The following TNNC2 variants were observed in gnomAD, a reference collection of about 807,000 sequenced individuals.
TNNC2 encodes the protein troponin C2, fast skeletal type.
A neutral mutation model predicts 20.0 loss-of-function variants in TNNC2; 14 were observed. The ratio of observed to expected loss-of-function variants is 0.70; its 90% confidence interval spans 0.46 to 1.09. The LOEUF (loss-of-function observed/expected upper bound fraction) is 1.09, where lower values mean the gene tolerates loss of function less well. Ranked by LOEUF, TNNC2 falls within the 50% of genes least tolerant of loss-of-function variation. TNNC2 has a pLI of 0.00. For synonymous variants in TNNC2, 81 were observed against 77.3 expected (o/e 1.05, Z -0.25); for missense variants, 163 against 223.8 (o/e 0.73, Z 1.73).
Position 45,827,111 on chromosome 20 carries a change from C to T in TNNC2, c.3+135G>A, listed in dbSNP as rs1982992010. The stretch of plus-strand genomic sequence containing the variant: ...AAAAGTCAAAGGCCTTCCTCCAAGA[C>T]ACCTGGGTTCCAGGAACCTCCATGC... On this transcript the variant is annotated intron_variant, in intron 1 of 5. Coordinates refer to ENST00000372555, the MANE Select transcript of TNNC2 (RefSeq NM_003279.3). 3 of 1,119,822 alleles carry T rather than the reference C, an allele frequency of 2.7e-6. No homozygotes were observed. In the East Asian group the frequency reaches 7.2e-5, roughly 27 times the overall value. The allele number at this position is 1,119,822 out of a possible 1,614,324, so 69.4% of individuals were successfully genotyped here.
chr20:45,828,083 T>G (rs1983018509), upstream of TNNC2, among the ~76,000 whole-genome samples: 1 of 152,210 alleles, frequency 6.6e-6, no homozygotes, highest in Non-Finnish European at 1.5e-5. Flanking sequence ...TCACCAAGGC[T>G]GATGTGCAGT....
upstream of TNNC2, among the ~76,000 whole-genome samples, chr20:45,829,370 G>T (rs1333233317): frequency 2.6e-5 from 4 of 151,880 alleles, no homozygotes; most frequent in Non-Finnish European, 4.4e-5. Context: ...CTCCATGTTG[G>T]TCAAGCTGGT....
intron 1 of TNNC2, 105 bp downstream of exon 1, chr20:45,827,141 A>G: frequency 6.7e-7 from 1 of 1,499,824 alleles, no homozygotes; most frequent in Admixed American, 1.7e-5. Context: ...CCATGCTCCA[A>G]CCTCAAACAT....
upstream of TNNC2, among the ~76,000 whole-genome samples, chr20:45,828,409 A>G (rs1161269008): frequency 6.6e-6 from 1 of 152,204 alleles, no homozygotes; most frequent in Non-Finnish European, 1.5e-5. Context: ...GCACCTGTCC[A>G]GATGGAAAAA....
rs894248473 is a variant in TNNC2 at position 45,823,734 on chromosome 20, C to G, written c.451+257G>C. Among the ~76,000 whole-genome samples the G allele has an allele frequency of 6.6e-6, 1 of 152,072 alleles. No homozygotes were observed. ...TCTCGAACTCTTGGCCTCAAGCAAT[C>G]CTCCCACCTCATCCTCCCAAAGTTC... On this transcript the variant is annotated intron_variant, in intron 5 of 5. Coordinates refer to ENST00000372555, the MANE Select transcript of TNNC2 (RefSeq NM_003279.3). The surrounding 1 kb of genome is among the most constrained non-coding windows in gnomAD (Gnocchi z 4.6).
chr20:45,827,485 A>G (rs1251537476), upstream of TNNC2: 8 of 579,906 alleles, frequency 1.4e-5, no homozygotes, highest in East Asian at 1.4e-4. Context: ...GAGAAATTTA[A>G]GCCTCCAAGC....
At chr20:45,824,173 GC>G in intron 4 of TNNC2, 46 bp from the exon 5 acceptor site, 1 of 1,605,420 alleles carries the variant, frequency 6.2e-7, no homozygotes. Flanking sequence ...GGGGCGAGCT[GC>G]CCTGGCCACC....
At chr20:45,824,963 G>T in intron 1 of TNNC2, 129 bp from the exon 2 acceptor site, 3 of 1,009,772 alleles carry the variant, frequency 3.0e-6, no homozygotes, top group Non-Finnish European at 4.6e-6. Flanking sequence ...CTTCAAACTT[G>T]TCACATAATT....
chr20:45,830,723 T>C (rs1458939330), upstream of TNNC2, among the ~76,000 whole-genome samples: 1 of 152,222 alleles, frequency 6.6e-6, no homozygotes, highest in Non-Finnish European at 1.5e-5. Flanking sequence ...AAGGGGGAAC[T>C]TCCTAATAGT....
chr20:45,824,709 C>T, intron 2 of TNNC2, 71 bp from the exon 3 acceptor site: 1 of 1,557,748 alleles, frequency 6.4e-7, no homozygotes, highest in South Asian at 1.1e-5. Context: ...CCCCCCCAAC[C>T]CCCACCCTGC....
At position 45,824,163 on chromosome 20, in the gene TNNC2, G is replaced by C. The variant is rs766414022; in HGVS notation, c.315-36C>G. On this transcript the variant is annotated intron_variant, in intron 4 of 5. Transcript: ENST00000372555. ...GAGGGACAGGGCAGGGCTCAGGGCCGGGGCGAGCTGCCCTGGCCACCACAC... is the reference window on the plus strand; with the variant it reads ...GAGGGACAGGGCAGGGCTCAGGGCCCGGGCGAGCTGCCCTGGCCACCACAC... The C allele has an allele frequency of 5.6e-6, 9 of 1,606,088 alleles. No homozygotes were observed. The South Asian group carries it at 9.9e-5, about 18-fold the overall frequency.
intron 1 of TNNC2, 25 bp downstream of exon 1, chr20:45,827,221 G>A: frequency 6.2e-7 from 1 of 1,614,096 alleles, no homozygotes; most frequent in Non-Finnish European, 8.5e-7. Context: ...GTGAGTAAAG[G>A]CACAAAGTCC....
upstream of TNNC2, among the ~76,000 whole-genome samples, chr20:45,829,614 C>T (rs1241462409): frequency 1.3e-5 from 2 of 151,642 alleles, no homozygotes; most frequent in East Asian, 4.0e-4. Flanking sequence ...CCCATCTCTA[C>T]TAAAAATACA....
At chr20:45,832,492 T>C (rs907263422) in intron 2 of TNNC2, among the ~76,000 whole-genome samples, 1 of 152,122 alleles carries the variant, frequency 6.6e-6, no homozygotes, top group Non-Finnish European at 1.5e-5. Context: ...GGGAGAGATG[T>C]GACAGTAAAG....
Position 45,832,431 on chromosome 20 carries a change from G to C in TNNC2, c.-43+820C>G, listed in dbSNP as rs142231520. On this transcript the variant is annotated intron_variant, in intron 2 of 6. Transcript: ENST00000372557. ...CACTTTGCCTCAGTTTCTTCATCTT[G>C]AAAATGGACCATTAATGTCCAGTTA... Among the ~76,000 whole-genome samples, 276 of 152,290 alleles carry C rather than the reference G, an allele frequency of 1.8e-3. 14 individuals are homozygous for C. The East Asian group carries it at 0.051, about 28-fold the overall frequency.
rs765452057 is a variant in TNNC2, at chr20:45,824,574, C to G, written c.120G>C (p.Leu40Phe). 6.2e-7 allele frequency: 1 copy of G among 1,613,014 alleles called. No homozygotes were observed. The highest frequency in any genetic ancestry group is 1.7e-5 in the Admixed American group (1 of 60,020). Residue 40 changes from leucine to phenylalanine, a missense_variant, in exon 3 of 6, where the codon TTG (leucine) becomes TTC (phenylalanine). Physicochemically the swap from Leu to Phe is conservative, Grantham distance 22. Transcript: ENST00000372555. ...GGCCCAGCATCCTCATCACCGTGCC[C>G]AACTCCTTGACGCTGATGTCCCCAC... ...DGGGDISVKELGTVMRMLGQT... is the reference protein window; with the variant it reads ...DGGGDISVKEFGTVMRMLGQT...
Position 45,823,343 on chromosome 20 carries a change from A to G in TNNC2, c.*5T>C, listed in dbSNP as rs777950314. 3.8e-6 allele frequency: 6 copies of G among 1,584,894 alleles called. No individual in the cohort carries two copies. The highest frequency in any genetic ancestry group is 5.1e-6 in the Non-Finnish European group (6 of 1,166,078). ...GCGATCTTGGTAGAGGCGACTGTCC[A>G]CTCCTTACTGCACGCCCTCCATCAT... On this transcript the variant is annotated 3_prime_UTR_variant, in exon 6 of 6. Transcript: ENST00000372555. This position sits in a 1 kb window ranked among gnomAD's most constrained non-coding sequence, Gnocchi z 4.6.
intron 2 of TNNC2, 58 bp from the exon 3 acceptor site, chr20:45,824,696 A>AACCCCCCCC: frequency 7.9e-6 from 11 of 1,385,648 alleles, no homozygotes; most frequent in South Asian, 1.3e-5. Flanking sequence ...CCTCACACCT[A>AACCCCCCCC]CCCCCCCCCA....
rs760186895 is a variant in TNNC2, at chr20:45,824,297, G to A, written c.309C>T (p.Phe103=). Residue 103 remains phenylalanine (F), a synonymous_variant, in exon 4 of 6, where the codon TTC becomes TTT. Coordinates refer to ENST00000372555, the MANE Select transcript of TNNC2 (RefSeq NM_003279.3). ...EEELAECFRI[F]DRNADGYIDP... ...CTCCCGGGCCCCCAGCGCACCTGTC[G>A]AAGATGCGGAAGCACTCGGCCAGCT... is the stretch of plus-strand genomic sequence containing the variant. 54 of 1,610,072 alleles carry A rather than the reference G, an allele frequency of 3.4e-5. No homozygotes were observed. In the African/African-American group the frequency reaches 4.8e-4, roughly 14 times the overall value.
Sources: allele counts gnomAD v4.1 joint callset (sites outside exome capture counted in the v4.1 genomes callset), GRCh38; gene constraint gnomAD v4.1.1; non-coding constraint Gnocchi (gnomAD v3.1); transcripts MANE v1.5; gene names NCBI Gene and HGNC (gene_info 2026-07-23, HGNC 2026-07-21).